Variants in CDC73 observed in about 807,000 individuals in gnomAD.
The protein encoded by CDC73 is cell division cycle 73.
Under a neutral mutation model 83.7 loss-of-function variants are expected in CDC73, and 21 were observed. That is an observed-to-expected ratio of 0.25 (90% CI 0.18 to 0.36). The LOEUF is 0.36. Ranked by LOEUF, CDC73 falls within the 10% of genes least tolerant of loss-of-function variation. The pLI is 1.00. For synonymous variants in CDC73, 224 were observed against 212.9 expected, an observed-to-expected ratio of 1.05 and a Z score of -0.45; for missense variants, 342 against 653.3, an observed-to-expected ratio of 0.52 and a Z score of 5.19.
intron 10 of CDC73, among the ~76,000 whole-genome samples, chr1:193,166,808 C>T (rs766317760): frequency 2.0e-5 from 3 of 151,954 alleles, no homozygotes; most frequent in Non-Finnish European, 2.9e-5. Context: ...CCACCACGCC[C>T]GGCTATTTTG....
At chr1:193,221,765 C>T (rs1433465439) in intron 13 of CDC73, among the ~76,000 whole-genome samples, 1 of 152,142 alleles carries the variant, frequency 6.6e-6, no homozygotes, top group Non-Finnish European at 1.5e-5. Flanking sequence ...TTAGGATAGA[C>T]CATGCCTAAT....
At chr1:193,141,801 C>T (rs760240233) in intron 6 of CDC73, 49 bp from the exon 7 acceptor site, 1 of 1,127,310 alleles carries the variant, frequency 8.9e-7, no homozygotes, top group Admixed American at 1.9e-5. Context: ...ATTTATGATA[C>T]ACTCCAGGAA....
chr1:193,169,954 C>G (rs1415168493), intron 10 of CDC73, among the ~76,000 whole-genome samples: 1 of 152,128 alleles, frequency 6.6e-6, no homozygotes, highest in Non-Finnish European at 1.5e-5. Context: ...TCTCTGCTCT[C>G]CACCCTCCGA....
intron 11 of CDC73, among the ~76,000 whole-genome samples, chr1:193,207,816 C>T (rs553732591): frequency 7.2e-5 from 11 of 152,164 alleles, no homozygotes; most frequent in East Asian, 3.9e-4. Flanking sequence ...TCTCAGTTTA[C>T]GAAGATAATG....
chr1:193,239,946 C>T (rs1406262234), intron 15 of CDC73, among the ~76,000 whole-genome samples: 1 of 152,110 alleles, frequency 6.6e-6, no homozygotes. Flanking sequence ...TTTATTTCTT[C>T]TACCTGTATG....
intron 15 of CDC73, among the ~76,000 whole-genome samples, chr1:193,242,502 A>G (rs910714441): frequency 1.3e-5 from 2 of 152,084 alleles, no homozygotes; most frequent in Non-Finnish European, 2.9e-5. Context: ...CTCTTAGATC[A>G]TCTATTCAAA....
chr1:193,150,457 A>T, intron 9 of CDC73, 75 bp downstream of exon 9: 1 of 1,067,446 alleles, frequency 9.4e-7, no homozygotes, highest in Non-Finnish European at 1.5e-6. Context: ...CTGATGTTTA[A>T]GGGTAAGGGT....
intron 10 of CDC73, among the ~76,000 whole-genome samples, chr1:193,161,407 C>T (rs1479963080): frequency 6.7e-6 from 1 of 150,318 alleles, no homozygotes; most frequent in Non-Finnish European, 1.5e-5. Context: ...AAAAGTCATA[C>T]CATAGAACTC....
At chr1:193,148,639 A>ATTTTT (rs894987430) in intron 8 of CDC73, among the ~76,000 whole-genome samples, 3 of 113,662 alleles carry the variant, frequency 2.6e-5, no homozygotes, top group Non-Finnish European at 3.6e-5. Context: ...AAAATTTATA[A>ATTTTT]TTTTTTTTTT....
At chr1:193,241,140 T>G (rs193249463) in intron 15 of CDC73, among the ~76,000 whole-genome samples, 4 of 152,228 alleles carry the variant, frequency 2.6e-5, no homozygotes, top group Non-Finnish European at 1.5e-5. Context: ...AAACATTGCT[T>G]CTTCTAGTTT....
At chr1:193,126,515 A>G (rs1329439431) in intron 2 of CDC73, among the ~76,000 whole-genome samples, 3 of 152,346 alleles carry the variant, frequency 2.0e-5, no homozygotes, top group East Asian at 1.9e-4. Context: ...GCTGTATGAC[A>G]TGGAAAAGTA....
chr1:193,239,293 G>C (rs1677817950), intron 15 of CDC73, among the ~76,000 whole-genome samples: 1 of 152,012 alleles, frequency 6.6e-6, no homozygotes, highest in African/African-American at 2.4e-5. Context: ...TTAGCTCTTG[G>C]TTGATCTTTC....
chr1:193,153,525 G>A (rs1294772182), intron 10 of CDC73, among the ~76,000 whole-genome samples: 1 of 152,120 alleles, frequency 6.6e-6, no homozygotes. Context: ...ATGTGCTGTG[G>A]TTTCTCAGAA....
At chr1:193,157,385 C>A (rs1676226398) in intron 10 of CDC73, among the ~76,000 whole-genome samples, 1 of 152,132 alleles carries the variant, frequency 6.6e-6, no homozygotes, top group South Asian at 2.1e-4. Context: ...CTGATGGAGT[C>A]ATTCATTGTG....
At chr1:193,152,542 A>T in intron 10 of CDC73, 98 bp downstream of exon 10, 1 of 824,556 alleles carries the variant, frequency 1.2e-6, no homozygotes, top group Non-Finnish European at 2.1e-6. Flanking sequence ...TTTTTATTTC[A>T]AACATTTTTC....
intron 11 of CDC73, among the ~76,000 whole-genome samples, chr1:193,206,687 G>T (rs187286639): frequency 6.6e-6 from 1 of 152,228 alleles, no homozygotes; most frequent in African/African-American, 2.4e-5. Flanking sequence ...TTATTTGTTG[G>T]GTAGAGTTTG....
intron 10 of CDC73, among the ~76,000 whole-genome samples, chr1:193,187,999 T>A (rs1286014263): frequency 6.6e-6 from 1 of 152,216 alleles, no homozygotes; most frequent in Admixed American, 6.5e-5. Flanking sequence ...AGTTTACTAG[T>A]TAACAGAGTA....
At position 193,179,740 on chromosome 1, in the gene CDC73, G is replaced by T. The variant is rs572055351; in HGVS notation, c.973-24055G>T. ...TTATTTTTAAAAAGTAAATACTTTC[G>T]TGAGAACTGCATTGATGAAACATCT... On this transcript the variant is annotated intron_variant, in intron 10 of 16. Transcript: ENST00000367435. 4 of 152,356 alleles carry T rather than the reference G, an allele frequency of 2.6e-5. No homozygotes were observed. In the East Asian group the frequency reaches 7.7e-4, roughly 29 times the overall value. 9.4% of individuals were successfully genotyped at this position (152,356 alleles called of 1,614,324 possible). A position where few individuals can be genotyped will look rare whatever the true frequency, so the allele number is the denominator to read the frequency against.
intron 15 of CDC73, among the ~76,000 whole-genome samples, chr1:193,249,463 T>G (rs1370338529): frequency 6.6e-6 from 1 of 151,972 alleles, no homozygotes; most frequent in Admixed American, 6.6e-5. Flanking sequence ...ATCTCCAAGG[T>G]ATGGTTGCAC....
Sources: gnomAD v4.1 joint callset for allele counts (sites outside exome capture counted in the v4.1 genomes callset) on GRCh38, gnomAD v4.1.1 for gene constraint, MANE v1.5 for transcripts, NCBI Gene and HGNC (gene_info 2026-07-23, HGNC 2026-07-21) for gene names.